Variants in BNIP2 observed in about 807,000 individuals in gnomAD.
The protein encoded by BNIP2 is BCL2/adenovirus E1B 19 kDa protein-interacting protein 2.
Under a neutral mutation model 43.4 loss-of-function variants are expected in BNIP2, and 36 were observed. The observed-to-expected ratio is 0.83, with a 90% CI of 0.64 to 1.10. The LOEUF is 1.10. Among genes scored for constraint, BNIP2 ranks in the 50% least tolerant of loss-of-function variants. BNIP2 has a pLI of 0.00. For synonymous variants in BNIP2, 146 were observed against 121.0 expected (o/e 1.21, Z -1.35); for missense variants, 417 against 374.1 (o/e 1.11, Z -0.95).
chr15:59,679,998 AC>A (rs1418485785), intron 3 of BNIP2, among the ~76,000 whole-genome samples: 1 of 152,126 alleles, frequency 6.6e-6, no homozygotes, highest in African/African-American at 2.4e-5. Flanking sequence ...CCTTATAGAT[AC>A]CTCTTACCAC....
intron 5 of BNIP2, among the ~76,000 whole-genome samples, chr15:59,676,206 A>G (rs1390985542): frequency 6.6e-6 from 1 of 152,182 alleles, no homozygotes; most frequent in African/African-American, 2.4e-5. Context: ...AAACCAAAAC[A>G]AAACAAAAAA....
chr15:59,687,724 C>G (rs1201668068), intron 1 of BNIP2, among the ~76,000 whole-genome samples: 11 of 152,108 alleles, frequency 7.2e-5, no homozygotes, highest in Admixed American at 7.2e-4. Context: ...CCTATTGTTC[C>G]TTCTACCAGC....
chr15:59,668,403 A>G (rs538054851), intron 9 of BNIP2, among the ~76,000 whole-genome samples: 15 of 152,366 alleles, frequency 9.8e-5, no homozygotes, highest in African/African-American at 3.1e-4. Flanking sequence ...TACCAAGTCC[A>G]AGAAGTTACA....
chr15:59,682,437 T>C lies in BNIP2; in HGVS notation c.21A>G (p.Lys7=). Reference sequence around the variant, plus strand: ...GAAAATCTTCATCTTGCCATTCTTCTTTAAGTTCCACACCTTCCATCCTCA... The same window carrying C: ...GAAAATCTTCATCTTGCCATTCTTCCTTAAGTTCCACACCTTCCATCCTCA... MEGVEL[K]EEWQDEDFPI... The change falls in exon 2 of 10, where the codon AAA becomes AAG. Residue 7 remains lysine (K), a synonymous_variant. Coordinates refer to ENST00000607373, the MANE Select transcript of BNIP2 (RefSeq NM_004330.4). The C allele has an allele frequency of 6.2e-7, 1 of 1,613,448 alleles. No homozygotes were observed. Among genetic ancestry groups the C allele is most frequent in the Non-Finnish European group, 8.5e-7 (1 of 1,179,646 alleles).
chr15:59,678,528 G>C (rs1893455397), intron 4 of BNIP2: 1 of 1,074,094 alleles, frequency 9.3e-7, no homozygotes, highest in Non-Finnish European at 1.1e-6. Flanking sequence ...TACCAGATAG[G>C]AAGTGGTTAA....
intron 1 of BNIP2, chr15:59,688,870 A>G: frequency 6.7e-7 from 1 of 1,490,752 alleles, no homozygotes; most frequent in East Asian, 2.5e-5. Flanking sequence ...TCCCGAGCAC[A>G]ACTACCAGAA....
At chr15:59,688,603 A>T in intron 1 of BNIP2, 1 of 1,125,866 alleles carries the variant, frequency 8.9e-7, no homozygotes. Flanking sequence ...GGTTGTGTCT[A>T]GATTCACGCG....
At chr15:59,679,201 T>C in intron 4 of BNIP2, 1 of 183,954 alleles carries the variant, frequency 5.4e-6, no homozygotes, top group Non-Finnish European at 1.1e-5. Context: ...TAATTTAAGT[T>C]GGTCATTTCA....
rs569907890 is a variant in BNIP2 at position 59,668,252 on chromosome 15, TTAC to T, written c.893+637_893+639del. The stretch of plus-strand genomic sequence containing the variant: ...AATTTTCCAGCAAAACCAAAAATAT[TTAC>T]TACATGATGTAGAAAGTAAAAATTT... On this transcript the variant is annotated intron_variant, in intron 9 of 9. Transcript: ENST00000607373. 43 of 519,566 alleles carry T rather than the reference TTAC, an allele frequency of 8.3e-5. 1 individual carries two copies. The highest frequency in any genetic ancestry group is 7.2e-4 in the South Asian group (36 of 49,880). 32.2% of individuals were successfully genotyped at this position (519,566 alleles called of 1,614,324 possible).
chr15:59,688,562 A>G, intron 1 of BNIP2: 1 of 780,972 alleles, frequency 1.3e-6, no homozygotes, highest in Non-Finnish European at 2.0e-6. Flanking sequence ...CCAGAAATCC[A>G]AACCATTTTG....
At chr15:59,677,817 G>T in intron 5 of BNIP2, 94 bp downstream of exon 5, 1 of 1,439,244 alleles carries the variant, frequency 6.9e-7, no homozygotes. Context: ...TTCTGTACAG[G>T]GCTTATTTAC....
intron 1 of BNIP2, among the ~76,000 whole-genome samples, chr15:59,683,554 C>T (rs1263693133): frequency 1.3e-5 from 2 of 152,198 alleles, no homozygotes; most frequent in East Asian, 1.9e-4. Flanking sequence ...CGGTGGCTCA[C>T]GCCTGTAATC....
intron 3 of BNIP2, 103 bp downstream of exon 3, chr15:59,680,138 T>C: frequency 1.1e-6 from 1 of 939,096 alleles, no homozygotes; most frequent in Non-Finnish European, 1.5e-6. Flanking sequence ...ACTTCTATGA[T>C]GGAATAAAAA....
chr15:59,667,642 A>G (rs1479973643), intron 9 of BNIP2, among the ~76,000 whole-genome samples: 1 of 152,260 alleles, frequency 6.6e-6, no homozygotes, highest in East Asian at 1.9e-4. Context: ...AAGGAAACCA[A>G]TGTTGGTTAG....
chr15:59,662,290 T>A lies in BNIP2; in HGVS notation c.*1779A>T, dbSNP rs1892319731. On this transcript the variant is annotated 3_prime_UTR_variant, in exon 10 of 10. Transcript: ENST00000607373. ...ATTCAATATAATTGTTTATACATAA[T>A]CCTTATATGGTAAATTCAGAAGGAA... 2 of 152,258 alleles carry A rather than the reference T, an allele frequency of 1.3e-5. No individual in the cohort carries two copies. Among genetic ancestry groups the A allele is most frequent in the Admixed American group, 1.3e-4 (2 of 15,290 alleles). 9.4% of individuals were successfully genotyped at this position (152,258 alleles called of 1,614,324 possible).
At chr15:59,675,349 G>T (rs1252727030) in intron 5 of BNIP2, among the ~76,000 whole-genome samples, 2 of 152,064 alleles carry the variant, frequency 1.3e-5, no homozygotes, top group Non-Finnish European at 2.9e-5. Flanking sequence ...GGTGGCTCAT[G>T]CCTGTAATCC....
intron 1 of BNIP2, among the ~76,000 whole-genome samples, chr15:59,685,507 C>A (rs1893957473): frequency 6.6e-6 from 1 of 152,068 alleles, no homozygotes; most frequent in Non-Finnish European, 1.5e-5. Context: ...TCTCAAAAAA[C>A]AAAACAAAAC....
rs367704068 is a variant in BNIP2, at chr15:59,688,518, C to CAAGACACA, written c.-58+616_-58+617insTGTGTCTT. 49 of 561,212 alleles carry CAAGACACA rather than the reference C, an allele frequency of 8.7e-5. 1 individual carries two copies. Among genetic ancestry groups the CAAGACACA allele is most frequent in the East Asian group, 7.2e-4 (21 of 29,138 alleles). 34.8% of individuals were successfully genotyped at this position (561,212 alleles called of 1,614,324 possible). On this transcript the variant is annotated intron_variant, in intron 1 of 9. Transcript: ENST00000607373. ...GTTTCGTCAAAGAGCTCACAAGACA[C>CAAGACACA]AGACAAGTAACTCTCCAGCGGCATG...
rs530815710 is a variant in BNIP2, at chr15:59,675,135, C to A, written c.473-2396G>T. 7.8e-4 allele frequency among the ~76,000 whole-genome samples: 117 copies of A among 150,558 alleles called. 1 individual carries two copies. The highest frequency in any genetic ancestry group is 2.8e-3 in the African/African-American group (115 of 40,996). On this transcript the variant is annotated intron_variant, in intron 5 of 9. Transcript: ENST00000607373. ...GTGGTGGCGTGCACCTGTAGTCCCACCTACTTGGGAGGCTGAGGCTGGCGT... is the reference window on the plus strand; with the variant it reads ...GTGGTGGCGTGCACCTGTAGTCCCAACTACTTGGGAGGCTGAGGCTGGCGT...
Sources: gnomAD v4.1 joint callset for allele counts (sites outside exome capture counted in the v4.1 genomes callset) on GRCh38, gnomAD v4.1.1 for gene constraint, MANE v1.5 for transcripts, NCBI Gene and HGNC (gene_info 2026-07-23, HGNC 2026-07-21) for gene names.